Variants in DLG2 observed in about 807,000 individuals in gnomAD.
The protein encoded by DLG2 is disks large homolog 2.
In DLG2, 45 loss-of-function variants were observed where a neutral mutation model predicts 132.5. The observed-to-expected ratio is 0.34, with a 90% confidence interval of 0.27 to 0.44. DLG2 has a LOEUF of 0.44. Ranked by LOEUF, DLG2 falls within the 20% of genes least tolerant of loss-of-function variation. The pLI is 1.00. For synonymous variants in DLG2, 424 were observed against 419.6 expected (o/e 1.01, Z -0.13); for missense variants, 1,045 against 1,196.9 (o/e 0.87, Z 1.87).
At position 83,948,049 on chromosome 11, in the gene DLG2, C is replaced by T. The variant is rs114810187; in HGVS notation, c.1340+14836G>A. ...TACTAGTACTATTATAAATTCAGAGCAAGGCTTCACAAAATTGGCTTTGAA... is the reference window on the plus strand; with the variant it reads ...TACTAGTACTATTATAAATTCAGAGTAAGGCTTCACAAAATTGGCTTTGAA... On this transcript the variant is annotated intron_variant, in intron 14 of 27. Coordinates refer to ENST00000376104, the MANE Select transcript of DLG2 (RefSeq NM_001142699.3). Among the ~76,000 whole-genome samples the T allele has an allele frequency of 3.3e-3, 507 of 152,278 alleles. 4 individuals carry two copies. Among genetic ancestry groups the T allele is most frequent in the African/African-American group, 0.012 (479 of 41,554 alleles).
intron 6 of DLG2, among the ~76,000 whole-genome samples, chr11:84,766,776 C>A (rs2068478562): frequency 6.6e-6 from 1 of 152,018 alleles, no homozygotes; most frequent in Non-Finnish European, 1.5e-5. Context: ...ATAGCCCATG[C>A]TTTAAGATGT....
intron 18 of DLG2, among the ~76,000 whole-genome samples, chr11:83,728,143 C>G (rs150113720): frequency 0.011 from 1,706 of 152,304 alleles, 17 homozygotes; most frequent in Middle Eastern, 0.031. Context: ...ATGCTACTCT[C>G]TCCAAACTTG....
chr11:84,534,530 C>T, intron 7 of DLG2, 40 bp downstream of exon 7: 8 of 1,596,938 alleles, frequency 5.0e-6, no homozygotes, highest in South Asian at 1.1e-5. Flanking sequence ...AGACCAACTA[C>T]TGTCACCAAC....
chr11:85,113,638 C>T (rs1205468652), intron 5 of DLG2, among the ~76,000 whole-genome samples: 1 of 151,916 alleles, frequency 6.6e-6, no homozygotes, highest in African/African-American at 2.4e-5. Flanking sequence ...AAGTTAGAAC[C>T]TTGGATTTTA....
chr11:84,182,542 A>G (rs2096164420), intron 8 of DLG2, among the ~76,000 whole-genome samples: 1 of 150,628 alleles, frequency 6.6e-6, no homozygotes, highest in African/African-American at 2.5e-5. Context: ...AAAGAAAAAA[A>G]AAGAAAAAGA....
At chr11:83,687,240 G>A (rs1436401305) in intron 18 of DLG2, among the ~76,000 whole-genome samples, 2 of 152,166 alleles carry the variant, frequency 1.3e-5, no homozygotes, top group South Asian at 2.1e-4. Flanking sequence ...ACGGTACTTT[G>A]TTACAGCAGC....
intron 9 of DLG2, among the ~76,000 whole-genome samples, chr11:84,123,403 G>A (rs568983609): frequency 1.9e-4 from 29 of 152,278 alleles, no homozygotes; most frequent in African/African-American, 7.0e-4. Flanking sequence ...AGTCTATGCT[G>A]TGCTTGGAGT....
intron 6 of DLG2, among the ~76,000 whole-genome samples, chr11:84,865,318 A>C (rs533123244): frequency 6.6e-6 from 1 of 152,322 alleles, no homozygotes; most frequent in African/African-American, 2.4e-5. Context: ...AATGAAACAT[A>C]TTTCCAACAC....
At chr11:83,983,873 T>C (rs995062223) in intron 11 of DLG2, among the ~76,000 whole-genome samples, 1 of 152,090 alleles carries the variant, frequency 6.6e-6, no homozygotes, top group Non-Finnish European at 1.5e-5. Flanking sequence ...TTATTATACA[T>C]GAAAATAGGG....
chr11:85,008,837 CT>C (rs1250686933), intron 6 of DLG2, among the ~76,000 whole-genome samples: 12 of 151,816 alleles, frequency 7.9e-5, no homozygotes, highest in Admixed American at 2.6e-4. Context: ...ATTTCATATA[CT>C]GATTGATGCT....
intron 4 of DLG2, among the ~76,000 whole-genome samples, chr11:85,213,251 CAT>C (rs1174325853): frequency 2.0e-5 from 3 of 152,140 alleles, no homozygotes; most frequent in African/African-American, 7.2e-5. Flanking sequence ...TGGCCGCTGA[CAT>C]AGCCCTCAGG....
intron 3 of DLG2, among the ~76,000 whole-genome samples, chr11:85,587,673 C>G: frequency 6.6e-6 from 1 of 152,106 alleles, no homozygotes. Flanking sequence ...TTTAAGTGAG[C>G]ATTTAGGTCA....
At chr11:84,481,121 GA>G (rs1484262891) in intron 7 of DLG2, among the ~76,000 whole-genome samples, 1 of 152,050 alleles carries the variant, frequency 6.6e-6, no homozygotes, top group African/African-American at 2.4e-5. Flanking sequence ...AAAATACATA[GA>G]ACAAGGCCTA....
intron 18 of DLG2, among the ~76,000 whole-genome samples, chr11:83,687,749 G>A (rs2080075860): frequency 6.6e-6 from 1 of 152,052 alleles, no homozygotes. Flanking sequence ...ATAAATGTCT[G>A]AAGACAAATG....
At chr11:85,020,075 G>A (rs1448824503) in intron 6 of DLG2, among the ~76,000 whole-genome samples, 1 of 152,156 alleles carries the variant, frequency 6.6e-6, no homozygotes, top group Non-Finnish European at 1.5e-5. Flanking sequence ...CTAGTTTACA[G>A]CCCCACCAAC....
chr11:84,490,886 C>CAT (rs1555622910), intron 7 of DLG2, among the ~76,000 whole-genome samples: 13 of 147,950 alleles, frequency 8.8e-5, no homozygotes, highest in African/African-American at 3.2e-4. Context: ...TGAATGGTTG[C>CAT]GTGTGTGTGT....
intron 6 of DLG2, among the ~76,000 whole-genome samples, chr11:84,802,006 T>C (rs1437085921): frequency 6.6e-6 from 1 of 152,018 alleles, no homozygotes; most frequent in Non-Finnish European, 1.5e-5. Flanking sequence ...TTTAAGTTTA[T>C]AATGCTCATT....
chr11:84,923,009 A>C, intron 6 of DLG2: 1 of 1,589,940 alleles, frequency 6.3e-7, no homozygotes, highest in East Asian at 2.2e-5. Context: ...AAGCTACACA[A>C]GGTAGACATT....
intron 10 of DLG2, among the ~76,000 whole-genome samples, chr11:84,098,564 A>C (rs968300302): frequency 3.3e-5 from 5 of 152,138 alleles, no homozygotes; most frequent in Admixed American, 6.5e-5. Flanking sequence ...ACGTTGCTTT[A>C]CTTGCTAATG....
Sources: gnomAD v4.1 joint callset for allele counts (sites outside exome capture counted in the v4.1 genomes callset) on GRCh38, gnomAD v4.1.1 for gene constraint, MANE v1.5 for transcripts, NCBI Gene and HGNC (gene_info 2026-07-23, HGNC 2026-07-21) for gene names.